SHPRH: variants seen among roughly 807,000 people sequenced by gnomAD.
SHPRH encodes E3 ubiquitin-protein ligase SHPRH.
A neutral mutation model predicts 202.5 loss-of-function variants in SHPRH; 106 were observed. That is an observed-to-expected ratio of 0.52 (90% CI 0.45 to 0.62). SHPRH has a LOEUF of 0.62. Among genes scored for constraint, SHPRH ranks in the 20% least tolerant of loss-of-function variants. The probability of loss-of-function intolerance (pLI) is 0.00; values close to 1 mark genes in which losing one functional copy is unlikely to be tolerated. For synonymous variants in SHPRH, 729 were observed against 686.0 expected (o/e 1.06, Z -0.98); for missense variants, 1,710 against 2,020.0 (o/e 0.85, Z 2.94).
chr6:145,929,261 A>T (rs1785191634), intron 14 of SHPRH, among the ~76,000 whole-genome samples: 1 of 151,954 alleles, frequency 6.6e-6, no homozygotes, highest in African/African-American at 2.4e-5. Context: ...TTCTAAGAAA[A>T]CTGGTGGATT....
chr6:145,923,679 T>C lies in SHPRH; in HGVS notation c.3509A>G (p.Tyr1170Cys). 6.2e-7 allele frequency: 1 copy of C among 1,611,940 alleles called. No homozygotes were observed. Among genetic ancestry groups the C allele is most frequent in the Non-Finnish European group, 8.5e-7 (1 of 1,178,596 alleles). Reference sequence around the variant, plus strand: ...AGAAAGCTTGCCAGTTTGTTGCTTGTAGTTGCTGGTTATTTCATTTCGCAC... The same window carrying C: ...AGAAAGCTTGCCAGTTTGTTGCTTGCAGTTGCTGGTTATTTCATTTCGCAC... ...QRVRNEITSNYKQQTGKLSMS... is the reference protein window; with the variant it reads ...QRVRNEITSNCKQQTGKLSMS... The change falls in exon 18 of 30, where the codon TAC becomes TGC. Residue 1170 changes from tyrosine to cysteine, a missense_variant. Around this residue, in one of 8 missense-constraint regions of SHPRH, gnomAD observed 288 missense variants for 317.8 expected, o/e 0.91. Coordinates refer to ENST00000275233, the MANE Select transcript of SHPRH (RefSeq NM_001042683.3).
intron 2 of SHPRH, among the ~76,000 whole-genome samples, chr6:145,872,273 C>T (rs902108919): frequency 1.6e-4 from 25 of 151,988 alleles, no homozygotes; most frequent in African/African-American, 5.3e-4. Flanking sequence ...ACAGAACGGG[C>T]GAAAATTGTT....
intron 22 of SHPRH, 82 bp downstream of exon 22, chr6:145,919,266 C>G: frequency 6.4e-7 from 1 of 1,557,772 alleles, no homozygotes; most frequent in Non-Finnish European, 8.7e-7. Context: ...GCTCAGTGCC[C>G]TGATTCTGCC....
chr6:145,947,699 G>A, intron 5 of SHPRH, 56 bp from the exon 6 acceptor site: 2 of 1,581,138 alleles, frequency 1.3e-6, no homozygotes, highest in African/African-American at 1.4e-5. Flanking sequence ...AAATTACAAT[G>A]TTCCTAATTA....
chr6:145,869,088 G>A (rs1779935637), intron 2 of SHPRH, among the ~76,000 whole-genome samples: 1 of 152,108 alleles, frequency 6.6e-6, no homozygotes. Context: ...ATTCCAGTAG[G>A]TGTGTATCAA....
intron 1 of SHPRH, among the ~76,000 whole-genome samples, chr6:145,956,626 A>T (rs142986484): frequency 6.6e-6 from 1 of 152,122 alleles, no homozygotes; most frequent in Non-Finnish European, 1.5e-5. Flanking sequence ...AAAAGCAAAA[A>T]CAAAAAATAT....
At chr6:145,955,610 A>G (rs1788428789) in intron 1 of SHPRH, among the ~76,000 whole-genome samples, 1 of 152,198 alleles carries the variant, frequency 6.6e-6, no homozygotes, top group Admixed American at 6.6e-5. Flanking sequence ...GTTGTATAAA[A>G]TAAAATAAAT....
At chr6:145,907,468 G>A (rs1368706544) in intron 25 of SHPRH, 5 of 152,036 alleles carry the variant, frequency 3.3e-5, no homozygotes, top group Non-Finnish European at 7.4e-5. Context: ...ATACATCCCT[G>A]CTTATAATAT....
At chr6:145,893,124 G>C (rs1781711207) in intron 28 of SHPRH, 91 bp downstream of exon 28, 3 of 1,101,418 alleles carry the variant, frequency 2.7e-6, no homozygotes, top group African/African-American at 1.6e-5. Context: ...AAACAAGTAC[G>C]CTATGATGAA....
At chr6:145,933,254 C>T (rs1785665185) in intron 13 of SHPRH, 76 bp from the exon 14 acceptor site, 1 of 1,605,056 alleles carries the variant, frequency 6.2e-7, no homozygotes, top group Non-Finnish European at 8.5e-7. Flanking sequence ...TTATATCTCA[C>T]ATGATCAAGA....
chr6:145,918,191 A>T lies in SHPRH; in HGVS notation c.4194T>A (p.Val1398=), dbSNP rs774032156. The T allele has an allele frequency of 6.2e-7, 1 of 1,604,576 alleles. No individual in the cohort carries two copies. The highest frequency in any genetic ancestry group is 8.5e-7 in the Non-Finnish European group (1 of 1,175,632). The change falls in exon 23 of 30, where the codon GTT becomes GTA. Residue 1398 remains valine (V), a synonymous_variant. Transcript: ENST00000275233. ...GTTTTTTCTGAAGCTGTGATGTAGC[A>T]ACAGCTTTATCATTTAGTAGTTTTA... ...NRIKLLNDKA[V]ATSQLQKKLG...
Position 145,945,645 on chromosome 6 carries a change from T to C in SHPRH, c.1322-8A>G, listed in dbSNP as rs1434664571. 6.3e-7 allele frequency: 1 copy of C among 1,594,178 alleles called. No homozygotes were observed. Among genetic ancestry groups the C allele is most frequent in the African/African-American group, 1.4e-5 (1 of 73,760 alleles). On this transcript the variant is annotated splice_polypyrimidine_tract_variant and splice_region_variant and intron_variant, in intron 7 of 29. Transcript: ENST00000275233. ...GTATCATCACACGTGTAGCTAAATG[T>C]AAAAGGATATGCTAAATCAGTCAAA...
chr6:145,896,316 G>A (rs779773214), intron 25 of SHPRH, among the ~76,000 whole-genome samples: 1 of 152,026 alleles, frequency 6.6e-6, no homozygotes, highest in Admixed American at 6.6e-5. Context: ...GGAAATTAGT[G>A]TAAAGGTGAT....
intron 11 of SHPRH, among the ~76,000 whole-genome samples, chr6:145,938,047 G>A (rs922219461): frequency 2.0e-5 from 3 of 152,092 alleles, no homozygotes; most frequent in African/African-American, 4.8e-5. Context: ...ATAAGGGATC[G>A]TATGTACTTT....
At chr6:145,952,169 T>C (rs1174136252) in intron 3 of SHPRH, among the ~76,000 whole-genome samples, 180 bp downstream of exon 3, 1 of 152,186 alleles carries the variant, frequency 6.6e-6, no homozygotes, top group Non-Finnish European at 1.5e-5. Context: ...AGCACAGAGT[T>C]AACCAAAGAA....
At chr6:145,919,212 TG>T in intron 22 of SHPRH, 135 bp downstream of exon 22, 1 of 1,269,696 alleles carries the variant, frequency 7.9e-7, no homozygotes, top group Non-Finnish European at 1.1e-6. Context: ...CAATTTTCTA[TG>T]GGTCAAATTA....
At chr6:145,920,628 ATAAC>A (rs2128748653) in intron 21 of SHPRH, among the ~76,000 whole-genome samples, 1 of 152,228 alleles carries the variant, frequency 6.6e-6, no homozygotes, top group African/African-American at 2.4e-5. Flanking sequence ...AGTACAATGG[ATAAC>A]TAATCCAAAT....
intron 1 of SHPRH, among the ~76,000 whole-genome samples, chr6:145,962,793 A>C (rs1789229781): frequency 6.6e-6 from 1 of 152,214 alleles, no homozygotes; most frequent in African/African-American, 2.4e-5. Flanking sequence ...ATTACTAAGT[A>C]CTAGGAAGCT....
chr6:145,874,262 C>T (rs1179894438), intron 2 of SHPRH, among the ~76,000 whole-genome samples: 2 of 151,332 alleles, frequency 1.3e-5, no homozygotes, highest in African/African-American at 4.9e-5. Context: ...GTCATCTACA[C>T]CATAGTTTCA....
Sources: gnomAD v4.1 joint callset for allele counts (sites outside exome capture counted in the v4.1 genomes callset) on GRCh38, gnomAD v4.1.1 for gene constraint, gnomAD v4.1.1 regional missense constraint, MANE v1.5 for transcripts, NCBI Gene and HGNC (gene_info 2026-07-23, HGNC 2026-07-21) for gene names.